SLIT1: variants seen among roughly 807,000 people sequenced by gnomAD.
SLIT1 encodes the protein slit guidance ligand 1.
A neutral mutation model predicts 186.1 loss-of-function variants in SLIT1; 66 were observed. That is an observed-to-expected ratio of 0.35 (90% CI 0.29 to 0.44). The LOEUF (loss-of-function observed/expected upper bound fraction) is 0.44. SLIT1 is among the 20% of genes least tolerant of loss of function. The pLI, the probability that SLIT1 is intolerant of heterozygous loss-of-function variation, is 1.00. For missense variants in SLIT1, 1,638 were observed against 2,037.4 expected (o/e 0.80, Z 3.77); for synonymous variants, 761 against 833.8 (o/e 0.91, Z 1.50).
At chr10:97,123,799 A>AC (rs1849580885) in intron 4 of SLIT1, among the ~76,000 whole-genome samples, 3 of 151,818 alleles carry the variant, frequency 2.0e-5, no homozygotes, top group Admixed American at 2.0e-4. Flanking sequence ...GAAAAAAAAA[A>AC]AAAAAACTGG....
intron 4 of SLIT1, among the ~76,000 whole-genome samples, chr10:97,126,126 T>C (rs1849601752): frequency 6.6e-6 from 1 of 152,234 alleles, no homozygotes; most frequent in African/African-American, 2.4e-5. Context: ...TATGTCTCCG[T>C]CTTATTTAAT....
intron 4 of SLIT1, among the ~76,000 whole-genome samples, chr10:97,132,942 T>C (rs2134696315): frequency 6.6e-6 from 1 of 152,238 alleles, no homozygotes. Flanking sequence ...GGGCATGAAA[T>C]GGATCACTGG....
intron 4 of SLIT1, among the ~76,000 whole-genome samples, chr10:97,080,842 T>C (rs899396097): frequency 3.3e-5 from 5 of 152,228 alleles, no homozygotes; most frequent in African/African-American, 1.2e-4. Context: ...ATTTGGCAAA[T>C]TGGTCTGCTT....
chr10:97,000,230 A>G lies in SLIT1; in HGVS notation c.*882T>C, dbSNP rs1186285005. 2.6e-5 allele frequency: 4 copies of G among 152,320 alleles called. No homozygotes were observed. Among genetic ancestry groups the G allele is most frequent in the Middle Eastern group, 3.1e-3 (1 of 318 alleles). The allele number at this position is 152,320 out of a possible 1,614,324, so 9.4% of individuals were successfully genotyped here. A position where few individuals can be genotyped will look rare whatever the true frequency, so the allele number is the denominator to read the frequency against. ...ACCCTCACACCCAGTCCCTCTACCA[A>G]TAGGTCACCGACAGCTTGTGGCTGA... On this transcript the variant is annotated 3_prime_UTR_variant, in exon 37 of 37. Coordinates refer to ENST00000266058, the MANE Select transcript of SLIT1 (RefSeq NM_003061.3).
chr10:97,030,773 T>A lies in SLIT1; in HGVS notation c.2566A>T (p.Thr856Ser). ...GGTACTCACAGGTGAGACAGGGAGG[T>A]CACGTCTGCAAAGATGCCCTCTTGG... ...TLQEGIFADV[T>S]SLSHLAIGAN... Residue 856 changes from threonine to serine, a missense_variant, in exon 25 of 37, where the codon ACC becomes TCC. Physicochemically the swap from Thr to Ser is moderately conservative, Grantham distance 58 (BLOSUM62 1). Transcript: ENST00000266058. 1 of 1,613,698 alleles carries A rather than the reference T, an allele frequency of 6.2e-7. No individual in the cohort carries two copies. The highest frequency in any genetic ancestry group is 1.7e-5 in the Admixed American group (1 of 59,998).
At chr10:97,082,400 A>G (rs1369483706) in intron 4 of SLIT1, among the ~76,000 whole-genome samples, 1 of 152,150 alleles carries the variant, frequency 6.6e-6, no homozygotes, top group African/African-American at 2.4e-5. Flanking sequence ...TGTGTTATAT[A>G]CATGATCTCA....
At chr10:97,044,376 G>T (rs1354780744) in intron 18 of SLIT1, among the ~76,000 whole-genome samples, 1 of 152,016 alleles carries the variant, frequency 6.6e-6, no homozygotes, top group Non-Finnish European at 1.5e-5. Context: ...AGCTGCCTGG[G>T]AGACAGAGTG....
chr10:97,054,392 G>T (rs900799708), intron 13 of SLIT1, among the ~76,000 whole-genome samples: 1 of 151,852 alleles, frequency 6.6e-6, no homozygotes, highest in Admixed American at 6.6e-5. Context: ...TACACCCCAT[G>T]GAACTGTCAG....
intron 23 of SLIT1, among the ~76,000 whole-genome samples, chr10:97,033,475 C>T (rs1267265148): frequency 2.6e-5 from 4 of 152,124 alleles, no homozygotes; most frequent in Non-Finnish European, 5.9e-5. Context: ...AGAGGGTCAC[C>T]GCTCACAACA....
rs1848361975 is a variant in SLIT1, at chr10:97,006,637, C to G, written c.3425G>C (p.Cys1142Ser). 6.2e-7 allele frequency: 1 copy of G among 1,614,074 alleles called. No homozygotes were observed. Among genetic ancestry groups the G allele is most frequent in the Non-Finnish European group, 8.5e-7 (1 of 1,180,030 alleles). Residue 1142 changes from cysteine (C) to serine (S), a missense_variant, in exon 32 of 37, where the codon TGT becomes TCT. Transcript: ENST00000266058. This position sits in a 1 kb window ranked among gnomAD's most constrained non-coding sequence, Gnocchi z 4.0. ...EGTECQNGAN[C>S]VDQGNRPVCQ... is the part of the protein sequence containing the mutation. ...CACAGGCCTGTTGCCCTGGTCCACACAGTTGGCCCCATTCTGGCACTCAGT... is the reference window on the plus strand; with the variant it reads ...CACAGGCCTGTTGCCCTGGTCCACAGAGTTGGCCCCATTCTGGCACTCAGT...
In SLIT1 at chr10:97,185,649, G is replaced by A. The variant is rs750406435; in HGVS notation, c.26C>T (p.Ser9Phe). The A allele has an allele frequency of 1.4e-5, 22 of 1,542,372 alleles. No homozygotes were observed. The highest frequency in any genetic ancestry group is 1.7e-5 in the Non-Finnish European group (19 of 1,146,460). Residue 9 changes from serine (S) to phenylalanine (F), a missense_variant, in exon 1 of 37, where the codon TCC becomes TTC. By Grantham distance (155) the Ser-to-Phe change is radical. Coordinates refer to ENST00000266058, the MANE Select transcript of SLIT1 (RefSeq NM_003061.3). MALTPGWG[S>F]SAGPVRPELW... ...CTCCGGCCGGACCGGCCCCGCCGAG[G>A]ACCCCCACCCGGGAGTCAGCGCCAT...
chr10:97,135,371 G>A lies in SLIT1; in HGVS notation c.413+22447C>T, dbSNP rs115403209. ...CACTGAAAGAGGAGGGAAGGGACAT[G>A]CAGTTCTACCCTCCTCCCTAGAATG... On this transcript the variant is annotated intron_variant, in intron 4 of 36. Coordinates refer to ENST00000266058, the MANE Select transcript of SLIT1 (RefSeq NM_003061.3). Among the ~76,000 whole-genome samples the A allele has an allele frequency of 4.8e-3, 725 of 152,296 alleles. 9 individuals carry two copies. The highest frequency in any genetic ancestry group is 0.015 in the African/African-American group (609 of 41,548).
Position 97,001,248 on chromosome 10 carries a change from C to G in SLIT1, c.4469G>C (p.Gly1490Ala). 6.2e-7 allele frequency: 1 copy of G among 1,613,188 alleles called. No individual in the cohort carries two copies. Among genetic ancestry groups the G allele is most frequent in the Non-Finnish European group, 8.5e-7 (1 of 1,179,944 alleles). Residue 1490 changes from glycine to alanine, a missense_variant, in exon 37 of 37, where the codon GGC becomes GCC. Coordinates refer to ENST00000266058, the MANE Select transcript of SLIT1 (RefSeq NM_003061.3). ...GCAGCAGCCCTGGCCTGGGCACGAG[C>G]CCCGGCACTCCACCCATGACAGGGG... ...TRPLSWVECR[G>A]SCPGQGCCQG...
At chr10:97,094,217 G>A (rs967173864) in intron 4 of SLIT1, among the ~76,000 whole-genome samples, 1 of 152,240 alleles carries the variant, frequency 6.6e-6, no homozygotes, top group Admixed American at 6.5e-5. Flanking sequence ...GCTCGTGCTG[G>A]AACCAGAACC....
chr10:97,093,263 G>A (rs565945561), intron 4 of SLIT1, among the ~76,000 whole-genome samples: 61 of 152,240 alleles, frequency 4.0e-4, no homozygotes, highest in Non-Finnish European at 7.2e-4. Context: ...ATGTGGCAGA[G>A]GTTGCCAGGT....
intron 13 of SLIT1, among the ~76,000 whole-genome samples, chr10:97,050,415 C>A (rs192281690): frequency 2.0e-5 from 3 of 152,224 alleles, no homozygotes; most frequent in African/African-American, 7.2e-5. Flanking sequence ...TCTGGCCCCC[C>A]GGTTGGGAGC....
intron 1 of SLIT1, among the ~76,000 whole-genome samples, chr10:97,179,931 C>T (rs1427176269): frequency 6.6e-6 from 1 of 152,244 alleles, no homozygotes; most frequent in Non-Finnish European, 1.5e-5. Flanking sequence ...GCAAGAGCCC[C>T]GCCGAGCTGC....
intron 2 of SLIT1, 74 bp from the exon 3 acceptor site, chr10:97,163,525 G>T: frequency 7.7e-7 from 1 of 1,303,762 alleles, no homozygotes; most frequent in Non-Finnish European, 1.1e-6. Context: ...GCACAACGGC[G>T]GGGCAGAGGC....
chr10:97,047,689 C>T lies in SLIT1; in HGVS notation c.1634+1G>A. On this transcript the variant is annotated splice_donor_variant, in intron 16 of 36. Coordinates refer to ENST00000266058, the MANE Select transcript of SLIT1 (RefSeq NM_003061.3). LOFTEE classifies it high-confidence loss of function. ...GGGCTGGGGGGGCCAGGGACCCTCA[C>T]AGTTCTGCCGTGGACTGGGGGATGC... The T allele has an allele frequency of 6.2e-7, 1 of 1,613,436 alleles. No individual in the cohort carries two copies. Among genetic ancestry groups the T allele is most frequent in the African/African-American group, 1.3e-5 (1 of 75,066 alleles).
Sources: allele counts gnomAD v4.1 joint callset (sites outside exome capture counted in the v4.1 genomes callset), GRCh38; gene constraint gnomAD v4.1.1; non-coding constraint Gnocchi (gnomAD v3.1); transcripts MANE v1.5; gene names NCBI Gene and HGNC (gene_info 2026-07-23, HGNC 2026-07-21).